Variants in MN1 observed in about 807,000 individuals in gnomAD.
MN1 encodes the protein transcriptional activator MN1.
A neutral mutation model predicts 86.9 loss-of-function variants in MN1; 19 were observed. That is an observed-to-expected ratio of 0.22 (90% CI 0.15 to 0.32). The LOEUF (loss-of-function observed/expected upper bound fraction) is 0.32, where lower values mean the gene tolerates loss of function less well. Among genes scored for constraint, MN1 ranks in the 10% least tolerant of loss-of-function variants. The pLI is 1.00. For missense variants in MN1, 1,841 were observed against 1,862.0 expected (o/e 0.99, Z 0.21); for synonymous variants, 928 against 849.6 (o/e 1.09, Z -1.60).
At chr22:27,768,755 A>G (rs552545479) in intron 1 of MN1, among the ~76,000 whole-genome samples, 8 of 152,318 alleles carry the variant, frequency 5.3e-5, no homozygotes, top group African/African-American at 1.9e-4. Context: ...GCAGTAGGCT[A>G]TGATCATGCC....
chr22:27,786,868 C>T (rs188918803), intron 1 of MN1, among the ~76,000 whole-genome samples: 15 of 150,808 alleles, frequency 9.9e-5, no homozygotes, highest in Admixed American at 4.6e-4. Flanking sequence ...ACACACACTT[C>T]TAATCCCAGC....
intron 1 of MN1, among the ~76,000 whole-genome samples, chr22:27,785,347 C>T (rs1933113149): frequency 6.6e-6 from 1 of 152,222 alleles, no homozygotes; most frequent in Non-Finnish European, 1.5e-5. Flanking sequence ...AGCAAAAACA[C>T]AGGCAGGGAT....
chr22:27,752,969 C>A lies in MN1; in HGVS notation c.3782-1873G>T, dbSNP rs1167699239. On this transcript the variant is annotated intron_variant, in intron 1 of 1. Transcript: ENST00000302326. ...CTGGGATTAAGCAGGAGGCCTCCCC[C>A]AGGAGCTGAGCCACAGCCTGCAGAG... 8.5e-5 allele frequency among the ~76,000 whole-genome samples: 13 copies of A among 152,216 alleles called. No individual in the cohort carries two copies. In the East Asian group the frequency reaches 2.5e-3, roughly 29 times the overall value.
intron 1 of MN1, among the ~76,000 whole-genome samples, chr22:27,752,095 G>A (rs1470258115): frequency 2.0e-5 from 3 of 152,156 alleles, no homozygotes; most frequent in African/African-American, 7.2e-5. Flanking sequence ...GCCCCAGAAA[G>A]GCACAGAAAC....
chr22:27,798,354 G>A lies in MN1; in HGVS notation c.2190C>T (p.Pro730=). The change falls in exon 1 of 2, where the codon CCC becomes CCT. Residue 730 remains proline (P), a synonymous_variant. Coordinates refer to ENST00000302326, the MANE Select transcript of MN1 (RefSeq NM_002430.3). ...CAGACGTAGCAAAGTCCGGCGGCGG[G>A]GGCCGGCGCTCCGAAGCAGCGCTGG... is the stretch of plus-strand genomic sequence containing the variant. ...GLPSAASERR[P]PPPDFATSAL... 2 of 1,505,028 alleles carry A rather than the reference G, an allele frequency of 1.3e-6. No individual in the cohort carries two copies. The highest frequency in any genetic ancestry group is 1.8e-6 in the Non-Finnish European group (2 of 1,136,402). The allele number at this position is 1,505,028 out of a possible 1,614,324, so 93.2% of individuals were successfully genotyped here. A position where few individuals can be genotyped will look rare whatever the true frequency, so the allele number is the denominator to read the frequency against.
At chr22:27,778,518 G>C (rs1184510584) in intron 1 of MN1, among the ~76,000 whole-genome samples, 3 of 152,234 alleles carry the variant, frequency 2.0e-5, no homozygotes, top group Non-Finnish European at 4.4e-5. Context: ...AGAAGCATCT[G>C]TATTTATGCC....
chr22:27,767,710 C>T lies in MN1; in HGVS notation c.3782-16614G>A, dbSNP rs574198678. 3.9e-4 allele frequency among the ~76,000 whole-genome samples: 59 copies of T among 152,218 alleles called. No homozygotes were observed. In the South Asian group the frequency reaches 0.012, roughly 30 times the overall value. ...AAGCATGGAAATCGGTGAAATTACC[C>T]TCCACCGCTCCAACAACATCTCTGG... On this transcript the variant is annotated intron_variant, in intron 1 of 1. Coordinates refer to ENST00000302326, the MANE Select transcript of MN1 (RefSeq NM_002430.3).
At chr22:27,786,707 T>C (rs1933138295) in intron 1 of MN1, among the ~76,000 whole-genome samples, 1 of 152,120 alleles carries the variant, frequency 6.6e-6, no homozygotes, top group African/African-American at 2.4e-5. Context: ...CTGGGCTTTT[T>C]CTCCCTCCTC....
Position 27,798,765 on chromosome 22 carries a change from G to A in MN1, c.1779C>T (p.Gly593=). 2 of 1,534,382 alleles carry A rather than the reference G, an allele frequency of 1.3e-6. No individual in the cohort carries two copies. Among genetic ancestry groups the A allele is most frequent in the South Asian group, 2.4e-5 (2 of 83,978 alleles). The change falls in exon 1 of 2, where the codon GGC becomes GGT. Residue 593 remains glycine (G), a synonymous_variant. Coordinates refer to ENST00000302326, the MANE Select transcript of MN1 (RefSeq NM_002430.3). ...DVGQGGLVHG[G]PVGGLAQPNF... is the part of the protein sequence containing the mutation. ...TCGGCTGGGCCAAGCCGCCCACCGGGCCGCCATGCACCAGGCCGCCCTGGC... is the reference window on the plus strand; with the variant it reads ...TCGGCTGGGCCAAGCCGCCCACCGGACCGCCATGCACCAGGCCGCCCTGGC...
Position 27,798,641 on chromosome 22 carries a change from G to T in MN1, c.1903C>A (p.Pro635Thr). 1 of 1,561,204 alleles carries T rather than the reference G, an allele frequency of 6.4e-7. No homozygotes were observed. The highest frequency in any genetic ancestry group is 8.6e-7 in the Non-Finnish European group (1 of 1,162,188). Reference protein sequence around the residue: ...LAQESAWFSGPHPPPGDLLPR... With the variant: ...LAQESAWFSGTHPPPGDLLPR... ...AGCAGGTCTCCGGGCGGCGGATGCG[G>T]ACCTGAGAACCACGCGCTCTCTTGC... The change falls in exon 1 of 2, where the codon CCG (proline) becomes ACG (threonine). Residue 635 changes from proline (P) to threonine (T), a missense_variant. By Grantham distance (38) the Pro-to-Thr change is conservative. Transcript: ENST00000302326.
At chr22:27,751,491 C>T (rs996837483) in intron 1 of MN1, among the ~76,000 whole-genome samples, 11 of 152,060 alleles carry the variant, frequency 7.2e-5, no homozygotes, top group African/African-American at 2.2e-4. Flanking sequence ...AGGAGTTCGC[C>T]GCATGCAGTG....
chr22:27,775,568 A>G (rs540896452), intron 1 of MN1, among the ~76,000 whole-genome samples: 2 of 152,212 alleles, frequency 1.3e-5, no homozygotes, highest in African/African-American at 4.8e-5. Context: ...TATGAGTGGC[A>G]TCTTGCTCCT....
chr22:27,775,477 T>C (rs1932965986), intron 1 of MN1, among the ~76,000 whole-genome samples: 1 of 152,094 alleles, frequency 6.6e-6, no homozygotes, highest in South Asian at 2.1e-4. Flanking sequence ...CATCTGTAAA[T>C]GGGGCTATCT....
intron 1 of MN1, among the ~76,000 whole-genome samples, chr22:27,754,644 G>A (rs986215163): frequency 2.0e-5 from 3 of 152,298 alleles, no homozygotes; most frequent in South Asian, 2.1e-4. Flanking sequence ...CCCTCAGACC[G>A]CGGCTCCCCA....
chr22:27,766,527 A>C, intron 1 of MN1, among the ~76,000 whole-genome samples: 1 of 152,264 alleles, frequency 6.6e-6, no homozygotes, highest in East Asian at 1.9e-4. Flanking sequence ...TTCTCCAGAC[A>C]AGACAAATTT....
intron 1 of MN1, among the ~76,000 whole-genome samples, chr22:27,778,181 C>G (rs919552702): frequency 6.6e-6 from 1 of 152,196 alleles, no homozygotes; most frequent in African/African-American, 2.4e-5. Flanking sequence ...CCTACACAAA[C>G]AGGGAATCTA....
rs1601327510 is a variant in MN1, at chr22:27,766,749, G to A, written c.3782-15653C>T. Among the ~76,000 whole-genome samples the A allele has an allele frequency of 2.0e-5, 3 of 152,214 alleles. No homozygotes were observed. The South Asian group carries it at 6.2e-4, about 32-fold the overall frequency. On this transcript the variant is annotated intron_variant, in intron 1 of 1. Coordinates refer to ENST00000302326, the MANE Select transcript of MN1 (RefSeq NM_002430.3). ...TTAGGGAAACCAAGGCCACAGAGGG[G>A]TAAGTCAAGGGCAGAAGTGTGACTA...
chr22:27,771,715 C>T (rs1018242104), intron 1 of MN1, among the ~76,000 whole-genome samples: 1 of 152,184 alleles, frequency 6.6e-6, no homozygotes, highest in African/African-American at 2.4e-5. Context: ...TAAGTAGAGA[C>T]TTTATGGCAT....
In MN1 at chr22:27,764,531, G is replaced by A. The variant is rs374193476; in HGVS notation, c.3782-13435C>T. Among the ~76,000 whole-genome samples, 31 of 152,262 alleles carry A rather than the reference G, an allele frequency of 2.0e-4. 1 individual carries two copies. The highest frequency in any genetic ancestry group is 7.5e-4 in the African/African-American group (31 of 41,546). On this transcript the variant is annotated intron_variant, in intron 1 of 1. Coordinates refer to ENST00000302326, the MANE Select transcript of MN1 (RefSeq NM_002430.3). ...ACAATGGATGTGATCATCATGCTCT[G>A]TGCATTACATCACCAAGTCCTCTCT...
Sources: gnomAD v4.1 joint callset for allele counts (sites outside exome capture counted in the v4.1 genomes callset) on GRCh38, gnomAD v4.1.1 for gene constraint, MANE v1.5 for transcripts, NCBI Gene and HGNC (gene_info 2026-07-23, HGNC 2026-07-21) for gene names.